CNTN6: variants seen among roughly 807,000 people sequenced by gnomAD.
The protein encoded by CNTN6 is contactin 6, also known as contactin-6.
In CNTN6, 137 loss-of-function variants were observed where a neutral mutation model predicts 122.8. The ratio of observed to expected loss-of-function variants is 1.12; its 90% CI spans 0.97 to 1.29. The LOEUF is 1.29. Among genes scored for constraint, CNTN6 ranks in the 50% most tolerant of loss-of-function variants. CNTN6 has a pLI of 0.00. For synonymous variants in CNTN6, 570 were observed against 426.0 expected (o/e 1.34, Z -4.16); for missense variants, 1,634 against 1,223.4 (o/e 1.34, Z -5.01).
intron 2 of CNTN6, among the ~76,000 whole-genome samples, chr3:1,166,216 G>A (rs573286471): frequency 2.6e-5 from 4 of 152,290 alleles, no homozygotes. Context: ...GTTATCGTGG[G>A]AGTGGTGAAT....
chr3:1,351,463 C>T (rs1393354834), intron 11 of CNTN6, among the ~76,000 whole-genome samples: 2 of 151,408 alleles, frequency 1.3e-5, no homozygotes, highest in African/African-American at 4.8e-5. Context: ...ATATGGTAGC[C>T]TAAAATTGGA....
chr3:1,403,412 T>A lies in CNTN6; in HGVS notation c.3081T>A (p.Leu1027=), dbSNP rs2126268606. 1 of 1,589,724 alleles carries A rather than the reference T, an allele frequency of 6.3e-7. No homozygotes were observed. The highest frequency in any genetic ancestry group is 1.3e-5 in the African/African-American group (1 of 74,504). Residue 1027 remains leucine, a synonymous_variant, in exon 23 of 23, where the codon CTT becomes CTA. Coordinates refer to ENST00000446702, the MANE Select transcript of CNTN6 (RefSeq NM_001289080.2). The part of the protein sequence containing the change: ...VIFHCFAIQP[L]I Reference sequence around the variant, plus strand: ...TTCACTGTTTTGCTATTCAGCCACTTATCTGATGAATAAAACCATAAATCT... The same window carrying A: ...TTCACTGTTTTGCTATTCAGCCACTAATCTGATGAATAAAACCATAAATCT...
intron 2 of CNTN6, among the ~76,000 whole-genome samples, chr3:1,175,225 A>AAC (rs1342400620): frequency 3.0e-5 from 4 of 134,828 alleles, no homozygotes; most frequent in African/African-American, 1.0e-4. Context: ...TTTGTCTCAA[A>AAC]AAAAAAAAAA....
intron 2 of CNTN6, among the ~76,000 whole-genome samples, chr3:1,176,982 A>T (rs907728620): frequency 1.4e-5 from 2 of 147,814 alleles, no homozygotes; most frequent in African/African-American, 5.1e-5. Context: ...AATGAGACCA[A>T]CTGAAATAAT....
At chr3:1,241,558 T>C (rs868177597) in intron 4 of CNTN6, among the ~76,000 whole-genome samples, 2 of 151,732 alleles carry the variant, frequency 1.3e-5, no homozygotes, top group Non-Finnish European at 2.9e-5. Flanking sequence ...AGGAGAAAAA[T>C]GGGTATTAAA....
intron 11 of CNTN6, among the ~76,000 whole-genome samples, chr3:1,348,056 C>T (rs1057198567): frequency 6.7e-6 from 1 of 149,524 alleles, no homozygotes; most frequent in Admixed American, 6.8e-5. Context: ...CTATTGACTG[C>T]TAATGGAGTC....
chr3:1,365,176 G>T (rs1298867306), intron 12 of CNTN6, among the ~76,000 whole-genome samples: 3 of 151,916 alleles, frequency 2.0e-5, no homozygotes, highest in African/African-American at 4.8e-5. Context: ...TCAATAGAAG[G>T]CAACTCTTAT....
chr3:1,365,795 G>A (rs1384074802), intron 12 of CNTN6, among the ~76,000 whole-genome samples: 1 of 152,064 alleles, frequency 6.6e-6, no homozygotes, highest in East Asian at 1.9e-4. Flanking sequence ...AATGATAAAA[G>A]TGGAGATAAT....
intron 17 of CNTN6, among the ~76,000 whole-genome samples, chr3:1,381,665 A>T (rs1172682207): frequency 6.6e-6 from 1 of 152,050 alleles, no homozygotes; most frequent in African/African-American, 2.4e-5. Flanking sequence ...CTTTACTTCC[A>T]GTTTTCTACC....
At position 1,365,665 on chromosome 3, in the gene CNTN6, AAAAT is replaced by A. The variant is rs142224660; in HGVS notation, c.1493-6626_1493-6623del. Among the ~76,000 whole-genome samples the A allele has an allele frequency of 7.5e-4, 114 of 152,224 alleles. 1 individual carries two copies. Among genetic ancestry groups the A allele is most frequent in the African/African-American group, 2.3e-3 (97 of 41,562 alleles). ...AAACCTTGAATTAAATAAAATTTTAAAAATAAATAAACTTACTTTTAATGACAAA... is the reference window on the plus strand; with the variant it reads ...AAACCTTGAATTAAATAAAATTTTAAAAATAAACTTACTTTTAATGACAAA... On this transcript the variant is annotated intron_variant, in intron 12 of 22. Coordinates refer to ENST00000446702, the MANE Select transcript of CNTN6 (RefSeq NM_001289080.2).
chr3:1,308,813 G>GT (rs932023336), intron 7 of CNTN6, among the ~76,000 whole-genome samples: 39 of 151,974 alleles, frequency 2.6e-4, no homozygotes, highest in African/African-American at 9.4e-4. Flanking sequence ...GTTTTGTTTT[G>GT]TTTTTTAGCC....
In CNTN6 at chr3:1,160,890, A is replaced by C. The variant is rs144672757; in HGVS notation, c.55+12827A>C. On this transcript the variant is annotated intron_variant, in intron 2 of 22. Transcript: ENST00000446702. ...CGTTTAAACACAGCTATTATTAAAA[A>C]TTAAATAGACATCCAATTAAAATAA... Among the ~76,000 whole-genome samples, 374 of 152,256 alleles carry C rather than the reference A, an allele frequency of 2.5e-3. 2 individuals are homozygous for C. The highest frequency in any genetic ancestry group is 8.4e-3 in the African/African-American group (350 of 41,568).
At chr3:1,377,150 G>T in intron 17 of CNTN6, 75 bp downstream of exon 17, 4 of 1,017,364 alleles carry the variant, frequency 3.9e-6, no homozygotes, top group Non-Finnish European at 3.0e-6. Context: ...AAAACAAAAA[G>T]ATTTATTTGA....
chr3:1,371,823 G>A (rs1451951729), intron 12 of CNTN6, among the ~76,000 whole-genome samples: 1 of 152,062 alleles, frequency 6.6e-6, no homozygotes, highest in Non-Finnish European at 1.5e-5. Context: ...GAATAATTAT[G>A]TTGCATTCAC....
chr3:1,261,600 C>T (rs1462652735), intron 4 of CNTN6, among the ~76,000 whole-genome samples: 1 of 152,090 alleles, frequency 6.6e-6, no homozygotes, highest in Non-Finnish European at 1.5e-5. Context: ...CATTCTCAGG[C>T]AGAGCAACCC....
At position 1,372,472 on chromosome 3, in the gene CNTN6, G is replaced by A. The variant is rs1249687431; in HGVS notation, c.1666G>A (p.Gly556Arg). 5 of 1,599,574 alleles carry A rather than the reference G, an allele frequency of 3.1e-6. No homozygotes were observed. The highest frequency in any genetic ancestry group is 4.3e-6 in the Non-Finnish European group (5 of 1,174,706). Residue 556 changes from glycine (G) to arginine (R), a missense_variant and splice_region_variant, in exon 13 of 23, where the codon GGA (glycine) becomes AGA (arginine). By Grantham distance (125) the Gly-to-Arg change is moderately radical. Coordinates refer to ENST00000446702, the MANE Select transcript of CNTN6 (RefSeq NM_001289080.2). ...AGTGGCTCATTTTGAAAGGATTGGA[G>A]GAGTAAGTTACTGAAATTGTTAAGT... ...KGVAHFERIG[G>R]ESVGDLMIRN...
chr3:1,298,226 T>G (rs912455978), intron 7 of CNTN6: 12 of 433,216 alleles, frequency 2.8e-5, no homozygotes, highest in African/African-American at 2.4e-4. Flanking sequence ...GTGCTGATAT[T>G]TCCTTAGTTT....
intron 4 of CNTN6, among the ~76,000 whole-genome samples, chr3:1,245,260 T>TATATATATAAC (rs2094554963): frequency 3.0e-4 from 1 of 3,332 alleles, no homozygotes. Flanking sequence ...ATATATAACA[T>TATATATATAAC]ATATATATAT....
intron 4 of CNTN6, among the ~76,000 whole-genome samples, chr3:1,245,236 ACACAC>A (rs1329690565): frequency 0.051 from 457 of 8,912 alleles, 76 homozygotes; most frequent in African/African-American, 0.068. Context: ...ATATATATAT[ACACAC>A]ACACATATAT....
Sources: allele counts gnomAD v4.1 joint callset (sites outside exome capture counted in the v4.1 genomes callset), GRCh38; gene constraint gnomAD v4.1.1; transcripts MANE v1.5; gene names NCBI Gene and HGNC (gene_info 2026-07-23, HGNC 2026-07-21).